ADK: variants seen among roughly 807,000 people sequenced by gnomAD.
ADK encodes adenosine kinase, also known as N6,N6-dimethyladenosine kinase.
ADK carries 24 observed loss-of-function variants against 44.7 expected under a neutral mutation model. The ratio of observed to expected loss-of-function variants is 0.54; its 90% CI spans 0.39 to 0.76. The LOEUF is 0.76. Ranked by LOEUF, ADK falls within the 30% of genes least tolerant of loss-of-function variation. The probability of loss-of-function intolerance (pLI) is 0.00; values close to 1 mark genes in which losing one functional copy is unlikely to be tolerated. For synonymous variants in ADK, 128 were observed against 142.6 expected, an observed-to-expected ratio of 0.90 and a Z score of 0.73; for missense variants, 321 against 425.1, an observed-to-expected ratio of 0.76 and a Z score of 2.15.
At chr10:74,393,991 T>C (rs1024463331) in intron 4 of ADK, 150 bp from the exon 5 acceptor site, 1 of 802,042 alleles carries the variant, frequency 1.2e-6, no homozygotes, top group African/African-American at 1.7e-5. Context: ...GTTTTTTTAA[T>C]CGTAAGTGAT....
At chr10:74,340,023 T>C (rs1333032143) in intron 4 of ADK, among the ~76,000 whole-genome samples, 1 of 152,204 alleles carries the variant, frequency 6.6e-6, no homozygotes, top group Non-Finnish European at 1.5e-5. Flanking sequence ...CTTTATTTCA[T>C]TGTTATTTTT....
chr10:74,441,598 G>C (rs1468301568), intron 6 of ADK, among the ~76,000 whole-genome samples: 1 of 152,090 alleles, frequency 6.6e-6, no homozygotes, highest in Non-Finnish European at 1.5e-5. Context: ...TAAAACCTGA[G>C]ACCTTAAAAC....
At chr10:74,657,244 T>G (rs1213241766) in intron 9 of ADK, among the ~76,000 whole-genome samples, 1 of 152,154 alleles carries the variant, frequency 6.6e-6, no homozygotes, top group African/African-American at 2.4e-5. Context: ...CATAAATATG[T>G]TCTCATTTTT....
At chr10:74,296,247 T>C (rs1265832091) in intron 3 of ADK, among the ~76,000 whole-genome samples, 2 of 151,826 alleles carry the variant, frequency 1.3e-5, no homozygotes, top group African/African-American at 4.9e-5. Context: ...TGTAAAAAAA[T>C]TATTTAATAC....
chr10:74,645,841 TTG>T (rs1854035301), intron 9 of ADK, among the ~76,000 whole-genome samples: 1 of 152,184 alleles, frequency 6.6e-6, no homozygotes, highest in Non-Finnish European at 1.5e-5. Context: ...GCTATGCAAA[TTG>T]TGCCAGTTCA....
intron 7 of ADK, among the ~76,000 whole-genome samples, chr10:74,547,602 C>T (rs1468212267): frequency 6.6e-6 from 1 of 151,322 alleles, no homozygotes; most frequent in African/African-American, 2.4e-5. Flanking sequence ...CTGCCTCAGC[C>T]TCCCAAGTAG....
At chr10:74,458,633 T>C (rs557744091) in intron 6 of ADK, among the ~76,000 whole-genome samples, 1 of 152,328 alleles carries the variant, frequency 6.6e-6, no homozygotes, top group African/African-American at 2.4e-5. Flanking sequence ...CCTATATTTC[T>C]AGTAAAGTAA....
chr10:74,234,927 C>A (rs954079088), intron 3 of ADK, among the ~76,000 whole-genome samples: 1 of 151,972 alleles, frequency 6.6e-6, no homozygotes, highest in Non-Finnish European at 1.5e-5. Flanking sequence ...AAAAATGTTT[C>A]ACTTTGTACA....
At chr10:74,410,104 A>G (rs1844116686) in intron 6 of ADK, among the ~76,000 whole-genome samples, 1 of 152,166 alleles carries the variant, frequency 6.6e-6, no homozygotes, top group Non-Finnish European at 1.5e-5. Context: ...CATTGAATTA[A>G]CAAGTTAGAA....
intron 1 of ADK, among the ~76,000 whole-genome samples, chr10:74,180,998 G>A (rs1263758641): frequency 2.6e-5 from 4 of 152,180 alleles, no homozygotes; most frequent in African/African-American, 9.7e-5. Context: ...AGCACTTTGA[G>A]CCCTCTAGAG....
chr10:74,183,337 C>T lies in ADK; in HGVS notation c.66-17427C>T, dbSNP rs534504938. ...CTATAATCTCAGCACTCCGGGAGGC[C>T]GAGGTGGGAGGATCACTTTGAGGCC... On this transcript the variant is annotated intron_variant, in intron 1 of 10. Transcript: ENST00000539909. 5.3e-5 allele frequency among the ~76,000 whole-genome samples: 8 copies of T among 152,046 alleles called. No homozygotes were observed. In the East Asian group the frequency reaches 1.2e-3, roughly 22 times the overall value.
rs56769018 is a variant in ADK, at chr10:74,278,366, T to TAAAA, written c.195-36284_195-36281dup. ...GAGACCCCATCTCAAAAAAAAAAAT[T>TAAAA]AAAAAAAAAAAAAAAAAAAACAACC... On this transcript the variant is annotated intron_variant, in intron 3 of 10. Coordinates refer to ENST00000539909, the MANE Select transcript of ADK (RefSeq NM_006721.4). 3.6e-4 allele frequency among the ~76,000 whole-genome samples: 41 copies of TAAAA among 113,888 alleles called. 1 individual carries two copies. Among genetic ancestry groups the TAAAA allele is most frequent in the Middle Eastern group, 4.6e-3 (1 of 216 alleles). 74.7% of individuals were successfully genotyped at this position (113,888 alleles called of 152,430 possible). A position where few individuals can be genotyped will look rare whatever the true frequency, so the allele number is the denominator to read the frequency against.
intron 9 of ADK, chr10:74,655,105 G>T (rs909595437): frequency 7.2e-6 from 2 of 277,940 alleles, no homozygotes; most frequent in Non-Finnish European, 7.1e-6. Flanking sequence ...CTTACCCTGG[G>T]GGTTGAGGTT....
At chr10:74,629,094 A>T (rs1853322894) in intron 9 of ADK, among the ~76,000 whole-genome samples, 1 of 152,050 alleles carries the variant, frequency 6.6e-6, no homozygotes, top group South Asian at 2.1e-4. Flanking sequence ...GAGTGGAGTG[A>T]TCTTAGCTCA....
intron 8 of ADK, among the ~76,000 whole-genome samples, chr10:74,599,354 C>T (rs963200483): frequency 2.6e-5 from 4 of 152,162 alleles, no homozygotes; most frequent in African/African-American, 4.8e-5. Context: ...TTTCTGGTGA[C>T]GTTTGTAACG....
intron 7 of ADK, chr10:74,528,032 A>T (rs1284360728): frequency 1.1e-6 from 1 of 901,444 alleles, no homozygotes; most frequent in Non-Finnish European, 1.9e-6. Flanking sequence ...GTATTCGGCA[A>T]TAAAACCCAG....
chr10:74,162,521 TTGTGTGTGTGTGTGTGTGTG>T lies in ADK; in HGVS notation c.65+11201_65+11220del, dbSNP rs10550667. Among the ~76,000 whole-genome samples the T allele has an allele frequency of 1.4e-4, 20 of 141,882 alleles. 1 individual carries two copies. Among genetic ancestry groups the T allele is most frequent in the Non-Finnish European group, 3.1e-4 (20 of 65,068 alleles). The allele number at this position is 141,882 out of a possible 152,430, so 93.1% of individuals were successfully genotyped here. Reference sequence around the variant, plus strand: ...AAAGGTACTCCCGATTGCATTTCTTTTGTGTGTGTGTGTGTGTGTGTGTGTGTGTGTGTGTGTGTGTGAGA... The same window carrying T: ...AAAGGTACTCCCGATTGCATTTCTTTTGTGTGTGTGTGTGTGTGTGTGAGA... On this transcript the variant is annotated intron_variant, in intron 1 of 10. Coordinates refer to ENST00000539909, the MANE Select transcript of ADK (RefSeq NM_006721.4).
intron 10 of ADK, among the ~76,000 whole-genome samples, chr10:74,682,880 T>TC (rs1415412988): frequency 6.6e-6 from 1 of 152,184 alleles, no homozygotes; most frequent in Non-Finnish European, 1.5e-5. Context: ...AGCCTGGTTT[T>TC]CATTATGCAA....
chr10:74,197,835 TA>T (rs1273991416), intron 1 of ADK, among the ~76,000 whole-genome samples: 2 of 152,196 alleles, frequency 1.3e-5, no homozygotes, highest in Non-Finnish European at 2.9e-5. Flanking sequence ...CGGAGTATAA[TA>T]AACTCTTTTG....
Sources: gnomAD v4.1 joint callset for allele counts (sites outside exome capture counted in the v4.1 genomes callset) on GRCh38, gnomAD v4.1.1 for gene constraint, MANE v1.5 for transcripts, NCBI Gene and HGNC (gene_info 2026-07-23, HGNC 2026-07-21) for gene names.